The following RIT2 variants were observed in gnomAD, a reference collection of about 807,000 sequenced individuals.
RIT2 encodes Ras like without CAAX 2, also known as GTP-binding protein Rit2.
In RIT2, 24 loss-of-function variants were observed where a neutral mutation model predicts 23.7. That is an observed-to-expected ratio of 1.01 (90% confidence interval 0.73 to 1.43). The LOEUF (loss-of-function observed/expected upper bound fraction) is 1.43, where lower values mean the gene tolerates loss of function less well. RIT2 is among the 40% of genes most tolerant of loss of function. The probability of loss-of-function intolerance (pLI) is 0.00; values close to 1 mark genes in which losing one functional copy is unlikely to be tolerated. For synonymous variants in RIT2, 107 were observed against 91.1 expected, an observed-to-expected ratio of 1.17 and a Z score of -0.99; for missense variants, 236 against 266.9, an observed-to-expected ratio of 0.88 and a Z score of 0.81.
At chr18:42,989,543 G>T (rs1027874422) in intron 2 of RIT2, among the ~76,000 whole-genome samples, 5 of 152,112 alleles carry the variant, frequency 3.3e-5, no homozygotes, top group Admixed American at 6.6e-5. Flanking sequence ...AAATATTAAT[G>T]AGATATTTTA....
intron 1 of RIT2, among the ~76,000 whole-genome samples, chr18:43,100,492 T>C (rs1856063938): frequency 6.6e-6 from 1 of 152,100 alleles, no homozygotes; most frequent in South Asian, 2.1e-4. Flanking sequence ...ATCTGACTTG[T>C]AGCTTAAAAG....
At chr18:42,951,030 G>T (rs1909840037) in intron 3 of RIT2, among the ~76,000 whole-genome samples, 1 of 152,022 alleles carries the variant, frequency 6.6e-6, no homozygotes. Flanking sequence ...AGAACTTAAT[G>T]CAGAACTGCC....
At chr18:43,098,479 A>C (rs773400058) in intron 1 of RIT2, among the ~76,000 whole-genome samples, 3 of 151,948 alleles carry the variant, frequency 2.0e-5, no homozygotes, top group Non-Finnish European at 2.9e-5. Context: ...GGATGTAAAT[A>C]ATAAATGCTT....
chr18:42,762,909 A>C (rs587697), intron 4 of RIT2, among the ~76,000 whole-genome samples: 101,788 of 152,044 alleles, frequency 0.67, 36,991 homozygotes, highest in Middle Eastern at 0.83. Context: ...ATAATACAGC[A>C]ATGTGTCACT....
chr18:42,932,988 G>A (rs1262271270), intron 3 of RIT2, among the ~76,000 whole-genome samples: 3 of 151,842 alleles, frequency 2.0e-5, no homozygotes, highest in African/African-American at 7.3e-5. Flanking sequence ...CAAGGAATTA[G>A]GTTTGTGACA....
intron 1 of RIT2, among the ~76,000 whole-genome samples, chr18:43,070,763 T>C (rs1054485687): frequency 2.6e-5 from 4 of 152,208 alleles, no homozygotes; most frequent in South Asian, 2.1e-4. Flanking sequence ...AACCATCTTA[T>C]AGAATGATAA....
intron 3 of RIT2, among the ~76,000 whole-genome samples, chr18:42,937,705 AG>A (rs1271397477): frequency 2.6e-5 from 4 of 152,176 alleles, no homozygotes; most frequent in African/African-American, 9.6e-5. Flanking sequence ...TGACGGGAAA[AG>A]ATGGTACATA....
At chr18:42,946,656 A>T (rs1056860150) in intron 3 of RIT2, among the ~76,000 whole-genome samples, 2 of 152,000 alleles carry the variant, frequency 1.3e-5, no homozygotes. Flanking sequence ...GTTCTTGTTA[A>T]GGGTGCTATG....
intron 2 of RIT2, among the ~76,000 whole-genome samples, chr18:43,022,172 A>C (rs1911613691): frequency 6.6e-6 from 1 of 152,170 alleles, no homozygotes; most frequent in African/African-American, 2.4e-5. Flanking sequence ...ACAGAGCTGG[A>C]GGTCATTAAA....
In RIT2 at chr18:42,743,555, T is replaced by G. The variant is rs1180058008; in HGVS notation, c.592A>C (p.Lys198Gln). The G allele has an allele frequency of 6.2e-7, 1 of 1,614,084 alleles. No individual in the cohort carries two copies. The highest frequency in any genetic ancestry group is 1.7e-4 in the Middle Eastern group (1 of 6,060). ...TTGAGCTTCTTCCACAGGCTGTCTT[T>G]TCTCTTCAGTTTCTTTTCCATCAAG... ...PSLMEKKLKR[K>Q]DSLWKKLKGS... The change falls in exon 5 of 5, where the codon AAA becomes CAA. Residue 198 changes from lysine (K) to glutamine (Q), a missense_variant. Lys to Gln is a moderately conservative substitution (Grantham distance 53). Coordinates refer to ENST00000326695, the MANE Select transcript of RIT2 (RefSeq NM_002930.4).
chr18:42,800,099 A>G (rs1032968230), intron 4 of RIT2, among the ~76,000 whole-genome samples: 5 of 152,212 alleles, frequency 3.3e-5, no homozygotes, highest in Non-Finnish European at 7.3e-5. Context: ...GGTTAATCAA[A>G]AGAATGGATA....
At chr18:42,756,535 T>A (rs1014103212) in intron 4 of RIT2, among the ~76,000 whole-genome samples, 4 of 152,188 alleles carry the variant, frequency 2.6e-5, no homozygotes, top group Non-Finnish European at 5.9e-5. Context: ...CTAACAGCAA[T>A]ATCTGCCTTC....
chr18:42,928,866 T>C (rs1004722265), intron 3 of RIT2, among the ~76,000 whole-genome samples: 3 of 151,554 alleles, frequency 2.0e-5, no homozygotes, highest in Non-Finnish European at 2.9e-5. Flanking sequence ...AATCTATCAT[T>C]TGTTTTTTGG....
chr18:42,847,683 A>C (rs1039900117), intron 4 of RIT2, among the ~76,000 whole-genome samples: 2 of 151,852 alleles, frequency 1.3e-5, no homozygotes, highest in Non-Finnish European at 2.9e-5. Context: ...TTACTGCTGG[A>C]GAGATAGTTG....
chr18:42,840,706 G>T (rs1182425713), intron 4 of RIT2, among the ~76,000 whole-genome samples: 3 of 152,156 alleles, frequency 2.0e-5, no homozygotes, highest in Non-Finnish European at 1.5e-5. Flanking sequence ...TCTCCGTGTT[G>T]GTCAGGCTGG....
intron 4 of RIT2, among the ~76,000 whole-genome samples, chr18:42,905,031 A>G (rs907938853): frequency 6.6e-6 from 1 of 152,222 alleles, no homozygotes; most frequent in East Asian, 1.9e-4. Context: ...AAATTTGTCA[A>G]TAATCTGTAA....
At chr18:42,815,002 G>T (rs1190075950) in intron 4 of RIT2, among the ~76,000 whole-genome samples, 1 of 152,118 alleles carries the variant, frequency 6.6e-6, no homozygotes, top group Non-Finnish European at 1.5e-5. Context: ...AACATCCCGT[G>T]GGAAAAATAA....
intron 4 of RIT2, among the ~76,000 whole-genome samples, chr18:42,791,193 A>G (rs1914035047): frequency 6.6e-6 from 1 of 152,144 alleles, no homozygotes. Flanking sequence ...AGATAATCTA[A>G]TTTTCTTTTT....
At chr18:43,089,753 A>T (rs1598779255) in intron 1 of RIT2, among the ~76,000 whole-genome samples, 1 of 151,956 alleles carries the variant, frequency 6.6e-6, no homozygotes, top group Non-Finnish European at 1.5e-5. Context: ...CAACTATCTC[A>T]TCTTTGGCAA....
Sources: allele counts gnomAD v4.1 joint callset (sites outside exome capture counted in the v4.1 genomes callset), GRCh38; gene constraint gnomAD v4.1.1; transcripts MANE v1.5; gene names NCBI Gene and HGNC (gene_info 2026-07-23, HGNC 2026-07-21).